Variants in FAT2 observed in about 807,000 individuals in gnomAD.
FAT2 encodes the protein protocadherin Fat 2.
Under a neutral mutation model 295.3 loss-of-function variants are expected in FAT2, and 150 were observed. The ratio of observed to expected loss-of-function variants is 0.51; its 90% CI spans 0.44 to 0.58. The LOEUF (loss-of-function observed/expected upper bound fraction) is 0.58, where lower values mean the gene tolerates loss of function less well. FAT2 is among the 20% of genes least tolerant of loss of function. The probability of loss-of-function intolerance (pLI) is 0.00; values close to 1 mark genes in which losing one functional copy is unlikely to be tolerated. For missense variants in FAT2, 4,868 were observed against 5,442.7 expected (o/e 0.89, Z 3.32); for synonymous variants, 2,026 against 2,150.3 (o/e 0.94, Z 1.60).
Position 151,566,271 on chromosome 5 carries a change from A to G in FAT2, c.2661T>C (p.Pro887=). 2 of 1,614,088 alleles carry G rather than the reference A, an allele frequency of 1.2e-6. No individual in the cohort carries two copies. The highest frequency in any genetic ancestry group is 8.5e-7 in the Non-Finnish European group (1 of 1,180,018). The part of the protein sequence containing the change: ...VTGHLDRESE[P]RYILKVEARD... ...TGGCCTCCACCTTGAGTATGTACCG[A>G]GGCTCTGATTCGCGGTCCAGGTGTC... The change falls in exon 2 of 24, where the codon CCT becomes CCC. Residue 887 remains proline, a synonymous_variant. Transcript: ENST00000261800.
intron 1 of FAT2, among the ~76,000 whole-genome samples, chr5:151,569,427 C>T (rs1319577589): frequency 6.6e-6 from 1 of 152,132 alleles, no homozygotes; most frequent in African/African-American, 2.4e-5. Context: ...GAAAAACACA[C>T]CCCCATGATT....
intron 11 of FAT2, among the ~76,000 whole-genome samples, chr5:151,538,636 G>GCATGGACC (rs1480161072): frequency 6.6e-6 from 1 of 152,200 alleles, no homozygotes; most frequent in Non-Finnish European, 1.5e-5. Context: ...GTGTGGGCAA[G>GCATGGACC]CATGGACCCC....
chr5:151,550,346 T>C (rs1757075437), intron 8 of FAT2, among the ~76,000 whole-genome samples: 1 of 152,088 alleles, frequency 6.6e-6, no homozygotes, highest in Admixed American at 6.5e-5. Context: ...TCTTGGGAAA[T>C]ATCTGGGGTG....
At chr5:151,579,195 T>C (rs1758852471) in intron 1 of FAT2, among the ~76,000 whole-genome samples, 1 of 152,186 alleles carries the variant, frequency 6.6e-6, no homozygotes, top group Admixed American at 6.5e-5. Flanking sequence ...TACAACATGG[T>C]AACTATAATT....
chr5:151,550,603 G>A lies in FAT2; in HGVS notation c.4565C>T (p.Thr1522Ile), dbSNP rs1439971222. The change falls in exon 8 of 24, where the codon ACA (threonine) becomes ATA (isoleucine). Residue 1522 changes from threonine to isoleucine, a missense_variant. Around this residue, in one of 5 missense-constraint regions of FAT2, gnomAD observed 3,297 missense variants for 3,669.4 expected, o/e 0.90. Transcript: ENST00000261800. ...CCATTTACTCACCATGACTGTCAGT[G>A]TGTGCTGGGAGGGCCCCGAGCCGAG... Reference protein sequence around the residue: ...LDLGSGPSQHTLTVMVRDQEI... With the variant: ...LDLGSGPSQHILTVMVRDQEI... The A allele has an allele frequency of 6.2e-7, 1 of 1,614,002 alleles. No individual in the cohort carries two copies. The highest frequency in any genetic ancestry group is 1.3e-5 in the African/African-American group (1 of 74,908).
rs76556578 is a variant in FAT2, at chr5:151,554,254, T to C, written c.3945+108A>G. The C allele has an allele frequency of 2.0e-3, 2,059 of 1,004,762 alleles. 25 individuals are homozygous for C. In the African/African-American group the frequency reaches 0.03, roughly 15 times the overall value. 62.2% of individuals were successfully genotyped at this position (1,004,762 alleles called of 1,614,324 possible). A position where few individuals can be genotyped will look rare whatever the true frequency, so the allele number is the denominator to read the frequency against. On this transcript the variant is annotated intron_variant, in intron 5 of 23. Coordinates refer to ENST00000261800, the MANE Select transcript of FAT2 (RefSeq NM_001447.3). ...TCTGGGAGAAGGCCAGGAAGGAGAG[T>C]ACCATTTCCCTTATGCTGGTGGGCT...
intron 3 of FAT2, 47 bp downstream of exon 3, chr5:151,563,276 GAA>G: frequency 6.5e-7 from 1 of 1,549,582 alleles, no homozygotes; most frequent in Non-Finnish European, 8.8e-7. Flanking sequence ...CACAATTTGA[GAA>G]CCACCATTGT....
chr5:151,542,220 G>A, intron 10 of FAT2, 65 bp downstream of exon 10: 3 of 1,479,882 alleles, frequency 2.0e-6, no homozygotes, highest in Non-Finnish European at 2.7e-6. Flanking sequence ...CCCATTTTAG[G>A]GCACCTCTTC....
At chr5:151,570,119 G>C (rs1227690828) in intron 1 of FAT2, among the ~76,000 whole-genome samples, 1 of 152,138 alleles carries the variant, frequency 6.6e-6, no homozygotes, top group Non-Finnish European at 1.5e-5. Flanking sequence ...ATTGATAATA[G>C]GAAACTAAGG....
chr5:151,525,631 G>A, intron 18 of FAT2, 137 bp downstream of exon 18: 3 of 886,050 alleles, frequency 3.4e-6, no homozygotes, highest in Non-Finnish European at 5.3e-6. Flanking sequence ...TTAGTCCTGA[G>A]AAGGACCTAG....
chr5:151,540,284 G>A (rs368092079), intron 11 of FAT2, among the ~76,000 whole-genome samples: 22 of 152,266 alleles, frequency 1.4e-4, no homozygotes, highest in African/African-American at 5.3e-4. Flanking sequence ...GCTTGCTGGG[G>A]AGAAGCAAGA....
At chr5:151,548,393 GT>G (rs1228695767) in intron 9 of FAT2, among the ~76,000 whole-genome samples, 2 of 151,920 alleles carry the variant, frequency 1.3e-5, no homozygotes, top group Non-Finnish European at 2.9e-5. Context: ...TATCGCTTTT[GT>G]TATAGTAATT....
intron 1 of FAT2, among the ~76,000 whole-genome samples, chr5:151,571,990 A>G (rs1758549463): frequency 1.3e-5 from 2 of 152,176 alleles, no homozygotes; most frequent in African/African-American, 2.4e-5. Flanking sequence ...CTTTGCACTT[A>G]CTGCTTCCCT....
In FAT2 at chr5:151,517,689, G is replaced by C; in HGVS notation, c.11394C>G (p.Phe3798Leu). 6.2e-7 allele frequency: 1 copy of C among 1,614,200 alleles called. No individual in the cohort carries two copies. Among genetic ancestry groups the C allele is most frequent in the Non-Finnish European group, 8.5e-7 (1 of 1,180,032 alleles). ...CCTGTGGCTGGAGTGTTTTCAGATA[G>C]AAATGGATGTGCCAGTTCCGAGCCG... ...APAARNWHIHFYLKTLQPQAI... is the reference protein window; with the variant it reads ...APAARNWHIHLYLKTLQPQAI... Residue 3798 changes from phenylalanine (F) to leucine (L), a missense_variant, in exon 20 of 24, where the codon TTC (phenylalanine) becomes TTG (leucine). By Grantham distance (22) the Phe-to-Leu change is conservative. This residue lies in a region of FAT2 where 1,046 missense variants were observed against 1,210.1 expected (regional missense o/e 0.86). Transcript: ENST00000261800.
In FAT2 at chr5:151,553,341, C is replaced by T. The variant is rs753810262; in HGVS notation, c.3992G>A (p.Arg1331Gln). ...SGQPPLSASVRLHIEWIPWPR... is the reference protein window; with the variant it reads ...SGQPPLSASVQLHIEWIPWPR... ...CCAAGGGATCCACTCAATGTGTAGCCGGACACTGGCTGAGAGTGGTGGCTG... is the reference window on the plus strand; with the variant it reads ...CCAAGGGATCCACTCAATGTGTAGCTGGACACTGGCTGAGAGTGGTGGCTG... The change falls in exon 6 of 24, where the codon CGG becomes CAG. Residue 1331 changes from arginine (R) to glutamine (Q), a missense_variant. Coordinates refer to ENST00000261800, the MANE Select transcript of FAT2 (RefSeq NM_001447.3). 6 of 1,614,098 alleles carry T rather than the reference C, an allele frequency of 3.7e-6. No homozygotes were observed. Among genetic ancestry groups the T allele is most frequent in the South Asian group, 1.1e-5 (1 of 91,080 alleles).
rs1554129699 is a variant in FAT2 at position 151,545,084 on chromosome 5, C to T, written c.6043G>A (p.Val2015Ile). ...GTCTGCAACACACCTGCTGACTGGA[C>T]CATATGAAACATATCTGTGCCATTC... ...LLNGTDMFHM[V>I]QSAGVLQTRG... Residue 2015 changes from valine to isoleucine, a missense_variant, in exon 10 of 24, where the codon GTC (valine) becomes ATC (isoleucine). Around this residue, in one of 5 missense-constraint regions of FAT2, gnomAD observed 3,297 missense variants for 3,669.4 expected, o/e 0.90. Transcript: ENST00000261800. 1.9e-6 allele frequency: 3 copies of T among 1,614,136 alleles called. No homozygotes were observed. Among genetic ancestry groups the T allele is most frequent in the East Asian group, 4.5e-5 (2 of 44,878 alleles).
rs1228831078 is a variant in FAT2 at position 151,540,717 on chromosome 5, C to A, written c.8889G>T (p.Glu2963Asp). The A allele has an allele frequency of 1.9e-6, 3 of 1,614,192 alleles. No homozygotes were observed. Among genetic ancestry groups the A allele is most frequent in the Non-Finnish European group, 2.5e-6 (3 of 1,180,030 alleles). The change falls in exon 11 of 24, where the codon GAG becomes GAT. Residue 2963 changes from glutamate (E) to aspartate (D), a missense_variant. By Grantham distance (45) the Glu-to-Asp change is conservative. Coordinates refer to ENST00000261800, the MANE Select transcript of FAT2 (RefSeq NM_001447.3). ...GGGTCTTCCTTGAGGAAATCCTCCA[C>A]TCATCTCCAACTTGGCTGATGCCAA... is the stretch of plus-strand genomic sequence containing the variant. ...GQFGISQVGD[E>D]WRISSRKTLD...
At chr5:151,563,158 C>T (rs535419204) in intron 3 of FAT2, among the ~76,000 whole-genome samples, 167 bp downstream of exon 3, 1 of 152,320 alleles carries the variant, frequency 6.6e-6, no homozygotes, top group Admixed American at 6.5e-5. Context: ...TGTGAAAACA[C>T]GGATTGCTGG....
chr5:151,529,325 G>GT lies in FAT2; in HGVS notation c.9878_9879insA (p.Cys3293Ter). Residue 3293 changes from cysteine (C) to a stop codon, truncating the protein, a stop_gained and frameshift_variant, in exon 15 of 24, where the codon TGC (cysteine) becomes TGAC (stop). Coordinates refer to ENST00000261800, the MANE Select transcript of FAT2 (RefSeq NM_001447.3). LOFTEE classifies it high-confidence loss of function. ...TSPKYFLSIE[C>*]SRKSSSSLSD... Reference sequence around the variant, plus strand: ...TGAGGGAAGAGGAGCTCTTCCGGCTGCACTCAATGGACAGGAAGTACTTGG... The same window carrying GT: ...TGAGGGAAGAGGAGCTCTTCCGGCTGTCACTCAATGGACAGGAAGTACTTGG... 1 of 1,614,140 alleles carries GT rather than the reference G, an allele frequency of 6.2e-7. No individual in the cohort carries two copies. The highest frequency in any genetic ancestry group is 8.5e-7 in the Non-Finnish European group (1 of 1,180,016).
Sources: gnomAD v4.1 joint callset for allele counts (sites outside exome capture counted in the v4.1 genomes callset) on GRCh38, gnomAD v4.1.1 for gene constraint, gnomAD v4.1.1 regional missense constraint, MANE v1.5 for transcripts, NCBI Gene and HGNC (gene_info 2026-07-23, HGNC 2026-07-21) for gene names.